RINT1: variants seen among roughly 807,000 people sequenced by gnomAD.
RINT1 encodes RAD50 interactor 1.
A neutral mutation model predicts 97.7 loss-of-function variants in RINT1; 75 were observed. The observed-to-expected ratio is 0.77, with a 90% confidence interval of 0.64 to 0.93. The LOEUF (loss-of-function observed/expected upper bound fraction) is 0.93, where lower values mean the gene tolerates loss of function less well. Ranked by LOEUF, RINT1 falls within the 40% of genes least tolerant of loss-of-function variation. RINT1 has a pLI of 0.00. For missense variants in RINT1, 892 were observed against 925.2 expected, an observed-to-expected ratio of 0.96 and a Z score of 0.47; for synonymous variants, 303 against 326.3, an observed-to-expected ratio of 0.93 and a Z score of 0.77.
In RINT1 at chr7:105,567,372, T is replaced by C; in HGVS notation, c.*61T>C. ...CTAAGAAAGAGGAAGCCAATTGGAT[T>C]TCAAGTTATATGATGAAATTCTGAA... is the stretch of plus-strand genomic sequence containing the variant. On this transcript the variant is annotated 3_prime_UTR_variant, in exon 15 of 15. Transcript: ENST00000257700. 1 of 1,148,384 alleles carries C rather than the reference T, an allele frequency of 8.7e-7. No homozygotes were observed. Among genetic ancestry groups the C allele is most frequent in the Admixed American group, 2.1e-5 (1 of 47,456 alleles). The allele number at this position is 1,148,384 out of a possible 1,614,324, so 71.1% of individuals were successfully genotyped here.
In RINT1 at chr7:105,548,557, T is replaced by A. The variant is rs1332871809; in HGVS notation, c.843T>A (p.Asp281Glu). 1 of 1,614,110 alleles carries A rather than the reference T, an allele frequency of 6.2e-7. No homozygotes were observed. Among genetic ancestry groups the A allele is most frequent in the Non-Finnish European group, 8.5e-7 (1 of 1,179,950 alleles). ...TTCCTTGACTTGATTATGTCAGAGA[T>A]GAATTACTTACTGAGCCAAAGCAAC... ...FCQLLKLQTS[D>E]ELLTEPKQLP... Residue 281 changes from aspartate to glutamate, a missense_variant, in exon 7 of 15, where the codon GAT becomes GAA. By Grantham distance (45) the Asp-to-Glu change is conservative. Coordinates refer to ENST00000257700, the MANE Select transcript of RINT1 (RefSeq NM_021930.6).
Position 105,542,599 on chromosome 7 carries a change from C to T in RINT1, c.465C>T (p.Ile155=), listed in dbSNP as rs79893877. ...LGTMISQIEE[I]ERHLAYLKWI... is the part of the protein sequence containing the mutation. The stretch of plus-strand genomic sequence containing the variant: ...CCATGATTAGCCAGATTGAAGAGAT[C>T]GAACGTCATCTTGCTTACCTTAAAT... Residue 155 remains isoleucine, a synonymous_variant, in exon 4 of 15, where the codon ATC becomes ATT. Transcript: ENST00000257700. The T allele has an allele frequency of 4.9e-3, 7,846 of 1,613,976 alleles. 128 individuals carry two copies. The highest frequency in any genetic ancestry group is 0.047 in the East Asian group (2,127 of 44,884).
chr7:105,535,326 TTCAAGCGATTCTTC>T (rs78864120), intron 2 of RINT1, among the ~76,000 whole-genome samples: 11,818 of 147,028 alleles, frequency 0.08, 502 homozygotes, highest in East Asian at 0.12. Context: ...GCCTCCCGGG[TTCAAGCGATTCTTC>T]TGCCTCAGCC....
intron 3 of RINT1, among the ~76,000 whole-genome samples, chr7:105,537,705 G>A (rs536972359): frequency 3.6e-4 from 55 of 151,310 alleles, no homozygotes; most frequent in African/African-American, 1.2e-3. Flanking sequence ...GTGTGGTGGC[G>A]GGCACCTGTA....
Position 105,552,666 on chromosome 7 carries a change from C to CTTTTTTT in RINT1, c.1471+978_1471+984dup, listed in dbSNP as rs386410906. Among the ~76,000 whole-genome samples, 96 of 80,034 alleles carry CTTTTTTT rather than the reference C, an allele frequency of 1.2e-3. 5 individuals carry two copies. The highest frequency in any genetic ancestry group is 2.3e-3 in the East Asian group (5 of 2,168). The allele number at this position is 80,034 out of a possible 152,430, so 52.5% of individuals were successfully genotyped here. On this transcript the variant is annotated intron_variant, in intron 10 of 14. Coordinates refer to ENST00000257700, the MANE Select transcript of RINT1 (RefSeq NM_021930.6). ...TTCCAGCCCAGTCAGTAAATAATTC[C>CTTTTTTT]TTTTTTTTTTTTTTTTTTTTTTTTT...
chr7:105,564,204 C>G (rs1386003920), intron 12 of RINT1, among the ~76,000 whole-genome samples: 1 of 152,160 alleles, frequency 6.6e-6, no homozygotes, highest in Non-Finnish European at 1.5e-5. Flanking sequence ...CTTCCCACCT[C>G]AGCCTCCCAA....
At chr7:105,566,426 G>A (rs1791747272) in intron 14 of RINT1, 1 of 152,214 alleles carries the variant, frequency 6.6e-6, no homozygotes. Context: ...GGGAGGCAGA[G>A]GTGGGAGAAT....
chr7:105,558,051 A>G (rs1791261723), intron 11 of RINT1, among the ~76,000 whole-genome samples: 2 of 152,178 alleles, frequency 1.3e-5, no homozygotes, highest in South Asian at 4.1e-4. Context: ...GTGGTGGCTC[A>G]TGCCTGTAAT....
rs869312981 is a variant in RINT1 at position 105,555,223 on chromosome 7, ATGT to A, written c.1671_1671+2del. 9.9e-6 allele frequency: 16 copies of A among 1,611,976 alleles called. No homozygotes were observed. The highest frequency in any genetic ancestry group is 1.3e-5 in the Non-Finnish European group (15 of 1,178,746). On this transcript the variant is annotated inframe_deletion and splice_region_variant, in exon 11 of 15. Transcript: ENST00000257700. ...ACAGTACTAGCAGATTGGGCTGACA[ATGT>A]TGTGAGTTAATATGCTTTTATATTA...
intron 11 of RINT1, among the ~76,000 whole-genome samples, chr7:105,562,732 A>C (rs1472689822): frequency 1.3e-5 from 2 of 151,794 alleles, no homozygotes; most frequent in Non-Finnish European, 2.9e-5. Flanking sequence ...CACCATCTCT[A>C]CGAAAGTTAC....
At chr7:105,544,062 T>C (rs1000414662) in intron 4 of RINT1, among the ~76,000 whole-genome samples, 2 of 151,778 alleles carry the variant, frequency 1.3e-5, no homozygotes, top group African/African-American at 2.4e-5. Context: ...GTTGTGCCAT[T>C]GCACTGCAGC....
chr7:105,533,928 T>C (rs559883016), intron 2 of RINT1, among the ~76,000 whole-genome samples: 84 of 152,324 alleles, frequency 5.5e-4, no homozygotes, highest in African/African-American at 1.8e-3. Flanking sequence ...CAGCTCAAAC[T>C]GCTTTGCAGT....
chr7:105,555,209 A>G lies in RINT1; in HGVS notation c.1653A>G (p.Ala551=). The change falls in exon 11 of 15, where the codon GCA becomes GCG. Residue 551 remains alanine, a synonymous_variant. Coordinates refer to ENST00000257700, the MANE Select transcript of RINT1 (RefSeq NM_021930.6). ...TGAACTACATCTCAACAGTACTAGC[A>G]GATTGGGCTGACAATGTTGTGAGTT... ...NAVNYISTVL[A]DWADNVFFLQ... is the part of the protein sequence containing the mutation. The G allele has an allele frequency of 6.2e-7, 1 of 1,613,520 alleles. No individual in the cohort carries two copies. The highest frequency in any genetic ancestry group is 8.5e-7 in the Non-Finnish European group (1 of 1,179,694).
chr7:105,561,853 C>G (rs933837746), intron 11 of RINT1, among the ~76,000 whole-genome samples: 2 of 151,874 alleles, frequency 1.3e-5, no homozygotes, highest in African/African-American at 4.8e-5. Flanking sequence ...TGAGCCACCA[C>G]GCCTGGCCGA....
At chr7:105,535,567 T>G (rs1022360231) in intron 2 of RINT1, 1 of 454,148 alleles carries the variant, frequency 2.2e-6, no homozygotes, top group African/African-American at 2.0e-5. Flanking sequence ...TTGTTTGTTT[T>G]TAAGAGATGA....
intron 5 of RINT1, 37 bp from the exon 6 acceptor site, chr7:105,547,147 G>T (rs1439536557): frequency 6.2e-7 from 1 of 1,613,846 alleles, no homozygotes; most frequent in East Asian, 2.2e-5. Flanking sequence ...ATCATTTGGT[G>T]ATGTACTGAA....
chr7:105,532,527 C>G (rs551306767), intron 1 of RINT1, among the ~76,000 whole-genome samples, 170 bp downstream of exon 1: 3 of 152,154 alleles, frequency 2.0e-5, no homozygotes, highest in Non-Finnish European at 4.4e-5. Flanking sequence ...CGGTAGTCCC[C>G]GTGAAGTGGC....
intron 2 of RINT1, among the ~76,000 whole-genome samples, chr7:105,536,127 C>T (rs1412401686): frequency 1.3e-5 from 2 of 151,992 alleles, no homozygotes; most frequent in Non-Finnish European, 2.9e-5. Flanking sequence ...TACAGAGTCT[C>T]TGTCGCCCAG....
intron 7 of RINT1, among the ~76,000 whole-genome samples, chr7:105,548,990 C>CTT (rs759190562): frequency 3.5e-5 from 5 of 143,794 alleles, no homozygotes; most frequent in Admixed American, 7.0e-5. Flanking sequence ...TATTTCTTTT[C>CTT]TTTTTTTTTT....
Sources: allele counts gnomAD v4.1 joint callset (sites outside exome capture counted in the v4.1 genomes callset), GRCh38; gene constraint gnomAD v4.1.1; transcripts MANE v1.5; gene names NCBI Gene and HGNC (gene_info 2026-07-23, HGNC 2026-07-21).